The following DLGAP2 variants were observed in gnomAD, a reference collection of about 807,000 sequenced individuals.
DLGAP2 encodes disks large-associated protein 2.
Under a neutral mutation model 100.3 loss-of-function variants are expected in DLGAP2, and 26 were observed. The ratio of observed to expected loss-of-function variants is 0.26; its 90% CI spans 0.19 to 0.36. The LOEUF (loss-of-function observed/expected upper bound fraction) is 0.36. DLGAP2 is among the 10% of genes least tolerant of loss of function. The pLI, the probability that DLGAP2 is intolerant of heterozygous loss-of-function variation, is 1.00. For synonymous variants in DLGAP2, 886 were observed against 630.1 expected, an observed-to-expected ratio of 1.41 and a Z score of -6.08; for missense variants, 1,858 against 1,453.2, an observed-to-expected ratio of 1.28 and a Z score of -4.53.
chr8:946,559 G>A (rs1038891950), intron 2 of DLGAP2, among the ~76,000 whole-genome samples: 16 of 152,180 alleles, frequency 1.1e-4, no homozygotes, highest in African/African-American at 1.9e-4. Context: ...CACCGCGCCC[G>A]GCCCGTTCCT....
chr8:858,281 G>T (rs549785421), intron 1 of DLGAP2, among the ~76,000 whole-genome samples: 1 of 152,256 alleles, frequency 6.6e-6, no homozygotes, highest in Non-Finnish European at 1.5e-5. Flanking sequence ...GTGAAAGGAC[G>T]TGGAGCAACC....
At chr8:1,296,785 G>A (rs1329637094) in intron 3 of DLGAP2, among the ~76,000 whole-genome samples, 1 of 152,218 alleles carries the variant, frequency 6.6e-6, no homozygotes, top group African/African-American at 2.4e-5. Context: ...CCACTGATGT[G>A]CAGATGGTGT....
chr8:1,463,019 C>T (rs991989446), intron 3 of DLGAP2, among the ~76,000 whole-genome samples: 36 of 152,082 alleles, frequency 2.4e-4, no homozygotes, highest in Non-Finnish European at 3.8e-4. Flanking sequence ...GAGTCTGAGG[C>T]GGGTGGATCA....
intron 3 of DLGAP2, among the ~76,000 whole-genome samples, chr8:1,358,264 T>G (rs1404028494): frequency 6.6e-6 from 1 of 152,272 alleles, no homozygotes; most frequent in East Asian, 1.9e-4. Context: ...TCTAAGTAAT[T>G]TCACTGAAGT....
At chr8:1,699,554 T>C (rs924631813) in intron 14 of DLGAP2, among the ~76,000 whole-genome samples, 1 of 151,438 alleles carries the variant, frequency 6.6e-6, no homozygotes, top group Non-Finnish European at 1.5e-5. Flanking sequence ...GCAGAGCTTG[T>C]AGTGAGCCAA....
chr8:983,026 G>C (rs1563127578), intron 2 of DLGAP2, among the ~76,000 whole-genome samples: 2 of 151,900 alleles, frequency 1.3e-5, no homozygotes, highest in Admixed American at 6.6e-5. Context: ...ATAGGGAGCT[G>C]TTTGAAAAAT....
intron 1 of DLGAP2, among the ~76,000 whole-genome samples, chr8:806,688 C>T (rs1796276878): frequency 6.6e-6 from 1 of 152,198 alleles, no homozygotes. Context: ...CTTTTCAGTG[C>T]ATTTCAGAGA....
intron 3 of DLGAP2, among the ~76,000 whole-genome samples, chr8:1,310,394 G>C (rs185750585): frequency 1.3e-5 from 2 of 152,236 alleles, no homozygotes; most frequent in African/African-American, 4.8e-5. Context: ...GATGGAATTG[G>C]AGAAAGTAAG....
At chr8:1,293,079 T>TG (rs1307795912) in intron 3 of DLGAP2, among the ~76,000 whole-genome samples, 1 of 152,144 alleles carries the variant, frequency 6.6e-6, no homozygotes, top group African/African-American at 2.4e-5. Context: ...GACCCACAAG[T>TG]GGGGGAGAAA....
In DLGAP2 at chr8:1,267,558, C is replaced by CAAAATAAAATAATAAT. The variant is rs1554429896; in HGVS notation, c.106+8687_106+8688insTAATAAAATAAAATAA. Among the ~76,000 whole-genome samples the CAAAATAAAATAATAAT allele has an allele frequency of 5.3e-3, 337 of 63,106 alleles. 71 individuals carry two copies. The highest frequency in any genetic ancestry group is 0.022 in the East Asian group (46 of 2,098). The allele number at this position is 63,106 out of a possible 152,430, so 41.4% of individuals were successfully genotyped here. On this transcript the variant is annotated intron_variant, in intron 3 of 14. Transcript: ENST00000637795. Reference sequence around the variant, plus strand: ...TGGGAGACAGAGCAAAATTCCCGCTCAAAATAAAATAAAATAAAATAAAAT... The same window carrying CAAAATAAAATAATAAT: ...TGGGAGACAGAGCAAAATTCCCGCTCAAAATAAAATAATAATAAAATAAAATAAAATAAAATAAAAT...
intron 14 of DLGAP2, among the ~76,000 whole-genome samples, chr8:1,699,416 T>C (rs1799506023): frequency 6.7e-6 from 1 of 148,502 alleles, no homozygotes; most frequent in Non-Finnish European, 1.5e-5. Context: ...TCATACTGGC[T>C]AACACGGTGA....
chr8:1,586,025 A>G (rs1046111454), intron 6 of DLGAP2, among the ~76,000 whole-genome samples: 3 of 152,188 alleles, frequency 2.0e-5, no homozygotes, highest in East Asian at 1.9e-4. Context: ...TTTCTCCCAA[A>G]TATTTTGTTA....
At chr8:1,541,023 G>T (rs1435872309) in intron 4 of DLGAP2, among the ~76,000 whole-genome samples, 1 of 151,414 alleles carries the variant, frequency 6.6e-6, no homozygotes, top group African/African-American at 2.4e-5. Context: ...TTTCTACAGA[G>T]CCCAGGATTT....
intron 2 of DLGAP2, among the ~76,000 whole-genome samples, chr8:1,203,242 G>A (rs1456623631): frequency 6.6e-6 from 1 of 152,192 alleles, no homozygotes; most frequent in Non-Finnish European, 1.5e-5. Flanking sequence ...CTCAGTGTTA[G>A]AATCCATGAG....
At chr8:1,089,282 A>G (rs894908594) in intron 2 of DLGAP2, among the ~76,000 whole-genome samples, 2 of 152,266 alleles carry the variant, frequency 1.3e-5, no homozygotes, top group African/African-American at 2.4e-5. Context: ...TTCTCCGGAC[A>G]TGGTCTATTG....
chr8:1,660,596 C>A (rs1260069792), intron 8 of DLGAP2, among the ~76,000 whole-genome samples: 1 of 152,172 alleles, frequency 6.6e-6, no homozygotes, highest in African/African-American at 2.4e-5. Context: ...TCTTTAACTT[C>A]TACAGTGTTT....
chr8:1,114,604 T>G (rs1429065242), intron 2 of DLGAP2, among the ~76,000 whole-genome samples: 1 of 152,110 alleles, frequency 6.6e-6, no homozygotes, highest in Non-Finnish European at 1.5e-5. Context: ...TCTTTATTAT[T>G]CCAGCTAGCA....
intron 3 of DLGAP2, among the ~76,000 whole-genome samples, chr8:1,384,032 G>T (rs1418015994): frequency 6.6e-6 from 1 of 152,192 alleles, no homozygotes; most frequent in Non-Finnish European, 1.5e-5. Flanking sequence ...CAAGAAAGGG[G>T]TTTTCGTTAT....
intron 3 of DLGAP2, among the ~76,000 whole-genome samples, chr8:1,439,572 C>T (rs1310201726): frequency 2.0e-5 from 3 of 152,186 alleles, no homozygotes; most frequent in African/African-American, 7.2e-5. Context: ...CCCACGGCAA[C>T]ACGGTCTCCA....
Sources: allele counts gnomAD v4.1 joint callset (sites outside exome capture counted in the v4.1 genomes callset), GRCh38; gene constraint gnomAD v4.1.1; transcripts MANE v1.5; gene names NCBI Gene and HGNC (gene_info 2026-07-23, HGNC 2026-07-21).